Variants in OR1F1 observed in about 807,000 individuals in gnomAD.
OR1F1 encodes the protein olfactory receptor family 1 subfamily F member 1.
For missense variants in OR1F1, 493 were observed against 376.3 expected (o/e 1.31, Z -2.57); for synonymous variants, 184 against 156.7 (o/e 1.17, Z -1.30).
chr16:3,201,035 G>T (rs1452233873), upstream of OR1F1, among the ~76,000 whole-genome samples: 1 of 152,068 alleles, frequency 6.6e-6, no homozygotes, highest in Non-Finnish European at 1.5e-5. Flanking sequence ...CTATGGATTT[G>T]CCTACTCTAG....
the OR1F1 span, among the ~76,000 whole-genome samples, chr16:3,194,088 A>G: frequency 6.6e-6 from 1 of 152,206 alleles, no homozygotes; most frequent in Non-Finnish European, 1.5e-5. Flanking sequence ...TGCAAGAATA[A>G]GAAGAAACGG....
At chr16:3,195,313 AAAAAC>A in the OR1F1 span, among the ~76,000 whole-genome samples, 1 of 152,234 alleles carries the variant, frequency 6.6e-6, no homozygotes, top group South Asian at 2.1e-4. Context: ...AAAAAAGGCA[AAAAAC>A]AAAACAACAA....
At chr16:3,194,050 G>T in the OR1F1 span, among the ~76,000 whole-genome samples, 1 of 152,134 alleles carries the variant, frequency 6.6e-6, no homozygotes, top group African/African-American at 2.4e-5. Context: ...AAAGGACAAA[G>T]CATGGAGACA....
the OR1F1 span, among the ~76,000 whole-genome samples, chr16:3,198,605 A>G: frequency 6.6e-6 from 1 of 152,228 alleles, no homozygotes; most frequent in Admixed American, 6.5e-5. Context: ...ACAAAACAAC[A>G]GTGAGACTTT....
At chr16:3,189,698 A>C in the OR1F1 span, 2 of 152,250 alleles carry the variant, frequency 1.3e-5, no homozygotes, top group East Asian at 1.9e-4. Flanking sequence ...CAAATCCCGG[A>C]CGAGCCCGGC....
chr16:3,192,655 CA>C, the OR1F1 span, among the ~76,000 whole-genome samples: 1 of 152,160 alleles, frequency 6.6e-6, no homozygotes, highest in African/African-American at 2.4e-5. Context: ...TGAGCAGCCT[CA>C]AGGGGAGGGT....
Position 3,204,618 on chromosome 16 carries a change from C to T in OR1F1, c.372C>T (p.Val124=), listed in dbSNP as rs533281144. The T allele has an allele frequency of 1.3e-4, 204 of 1,614,122 alleles. 1 individual carries two copies. In the East Asian group the frequency reaches 1.7e-3, roughly 14 times the overall value. Residue 124 remains valine (V), a synonymous_variant, in exon 1 of 1, where the codon GTC becomes GTT. Coordinates refer to ENST00000304646, the Ensembl canonical transcript of OR1F1. ...CTGTGATGGCCTATGACCACTTTGT[C>T]GCCGTGTGCCACCCCTTACATTACA...
chr16:3,206,370 C>T (rs1278114873), downstream of OR1F1, among the ~76,000 whole-genome samples: 1 of 152,180 alleles, frequency 6.6e-6, no homozygotes, highest in Admixed American at 6.5e-5. Context: ...CTTGTGATCT[C>T]TATTGGCTTC....
chr16:3,193,933 T>C, the OR1F1 span, among the ~76,000 whole-genome samples: 1 of 152,150 alleles, frequency 6.6e-6, no homozygotes, highest in Non-Finnish European at 1.5e-5. Context: ...AGTGGCCTGA[T>C]GGATAAGGTA....
downstream of OR1F1, among the ~76,000 whole-genome samples, chr16:3,205,371 A>C (rs1958194169): frequency 6.6e-6 from 1 of 152,176 alleles, no homozygotes; most frequent in Admixed American, 6.5e-5. Context: ...GCTGGAGTGC[A>C]GTGCCGTGAT....
chr16:3,193,523 G>T, the OR1F1 span, among the ~76,000 whole-genome samples: 1 of 152,250 alleles, frequency 6.6e-6, no homozygotes, highest in South Asian at 2.1e-4. Context: ...GCTCTACGGG[G>T]AATGGGAGTT....
the OR1F1 span, among the ~76,000 whole-genome samples, chr16:3,196,908 ACT>A: frequency 0.047 from 6,930 of 148,938 alleles, 560 homozygotes; most frequent in African/African-American, 0.16. Flanking sequence ...ACAGAGTCTC[ACT>A]CTGTTGACCA....
chr16:3,196,637 G>A, the OR1F1 span, among the ~76,000 whole-genome samples: 33 of 151,548 alleles, frequency 2.2e-4, no homozygotes, highest in African/African-American at 7.0e-4. Context: ...ATCCCCCTGC[G>A]TTGGCCTCCC....
At chr16:3,191,447 C>G in the OR1F1 span, 1 of 152,150 alleles carries the variant, frequency 6.6e-6, no homozygotes, top group Non-Finnish European at 1.5e-5. Flanking sequence ...CACTTAGTTT[C>G]TACTATTCTC....
upstream of OR1F1, among the ~76,000 whole-genome samples, chr16:3,203,675 A>G (rs1031387158): frequency 2.0e-5 from 3 of 152,226 alleles, no homozygotes; most frequent in Admixed American, 1.3e-4. Context: ...GAAGCAGGAG[A>G]ATCACTTGAA....
At chr16:3,204,392 T>A in exon 1 of OR1F1, 1 of 1,614,084 alleles carries the variant, frequency 6.2e-7, no homozygotes, top group Non-Finnish European at 8.5e-7. Context: ...ATCCTGTCCG[T>A]AAGCATAGAC....
At chr16:3,200,589 C>T (rs910270411), upstream of OR1F1, among the ~76,000 whole-genome samples, 4 of 152,224 alleles carry the variant, frequency 2.6e-5, no homozygotes, top group African/African-American at 9.6e-5. Flanking sequence ...CAGAGCAAGA[C>T]GTCATCTCAA....
chr16:3,198,528 G>T, the OR1F1 span, among the ~76,000 whole-genome samples: 1 of 152,194 alleles, frequency 6.6e-6, no homozygotes, highest in African/African-American at 2.4e-5. Flanking sequence ...AGCGGGGACA[G>T]GGAACAGGTA....
the OR1F1 span, among the ~76,000 whole-genome samples, chr16:3,199,207 A>G: frequency 1.3e-5 from 2 of 150,568 alleles, no homozygotes; most frequent in African/African-American, 4.9e-5. Flanking sequence ...GGAGGCTGAG[A>G]CAGGAGAATC....
Sources: allele counts gnomAD v4.1 joint callset (sites outside exome capture counted in the v4.1 genomes callset), GRCh38; gene constraint gnomAD v4.1.1; transcripts MANE v1.5; gene names NCBI Gene and HGNC (gene_info 2026-07-23, HGNC 2026-07-21).